Variants in TRIM5 observed in about 807,000 individuals in gnomAD.
TRIM5 encodes the protein tripartite motif-containing protein 5.
TRIM5 carries 31 observed loss-of-function variants against 35.6 expected under a neutral mutation model. The observed-to-expected ratio is 0.87, with a 90% CI of 0.65 to 1.18. The LOEUF is 1.18. Ranked by LOEUF, TRIM5 falls within the 50% of genes most tolerant of loss-of-function variation. TRIM5 has a pLI of 0.00. For synonymous variants in TRIM5, 243 were observed against 215.6 expected (o/e 1.13, Z -1.11); for missense variants, 609 against 591.6 (o/e 1.03, Z -0.31).
At chr11:5,639,537 G>A in the TRIM5 span, among the ~76,000 whole-genome samples, 10 of 151,820 alleles carry the variant, frequency 6.6e-5, no homozygotes, top group South Asian at 2.1e-4. Flanking sequence ...AAAATTAGCC[G>A]GGCATGGTGG....
chr11:5,664,652 G>A lies in TRIM5; in HGVS notation c.*157C>T, dbSNP rs574421830. ...AATATTGGGGACAATATGGCACAAG[G>A]CAATTATTACATTTTACTGATGAGT... On this transcript the variant is annotated 3_prime_UTR_variant, in exon 8 of 8. Transcript: ENST00000380034. The A allele has an allele frequency of 2.2e-6, 3 of 1,388,088 alleles. No homozygotes were observed. The East Asian group carries it at 7.7e-5, about 36-fold the overall frequency. 86.0% of individuals were successfully genotyped at this position (1,388,088 alleles called of 1,614,324 possible). A position where few individuals can be genotyped will look rare whatever the true frequency, so the allele number is the denominator to read the frequency against.
chr11:5,610,303 A>C, the TRIM5 span: 4 of 1,610,868 alleles, frequency 2.5e-6, no homozygotes, highest in Non-Finnish European at 8.5e-7. Flanking sequence ...GGAAGAAATA[A>C]ACGGGATAGA....
the TRIM5 span, among the ~76,000 whole-genome samples, chr11:5,631,614 G>C: frequency 1.3e-5 from 2 of 152,168 alleles, no homozygotes. Flanking sequence ...GATTTTGTGT[G>C]GGTAGATGTG....
At chr11:5,629,209 G>A in the TRIM5 span, among the ~76,000 whole-genome samples, 4 of 152,044 alleles carry the variant, frequency 2.6e-5, no homozygotes, top group South Asian at 2.1e-4. Flanking sequence ...CCTGGGAGGC[G>A]GGGGTTGCAG....
chr11:5,606,747 A>G, the TRIM5 span, among the ~76,000 whole-genome samples: 2 of 152,136 alleles, frequency 1.3e-5, no homozygotes, highest in African/African-American at 4.8e-5. Context: ...TGAATCGTCA[A>G]TTCATATTGC....
the TRIM5 span, among the ~76,000 whole-genome samples, chr11:5,607,153 G>A: frequency 6.6e-6 from 1 of 151,988 alleles, no homozygotes; most frequent in Non-Finnish European, 1.5e-5. Context: ...GCAGTGAGCC[G>A]AGATCGCACC....
intron 6 of TRIM5, 40 bp from the exon 7 acceptor site, chr11:5,665,722 G>A: frequency 6.8e-7 from 1 of 1,477,512 alleles, no homozygotes; most frequent in Non-Finnish European, 8.9e-7. Flanking sequence ...TACAAACAAA[G>A]GAGTCAGCAC....
intron 5 of TRIM5, chr11:5,666,325 C>A: frequency 5.6e-6 from 3 of 538,758 alleles, no homozygotes; most frequent in Non-Finnish European, 1.0e-5. Context: ...TTTCTTCCTT[C>A]TAAAATGAAA....
chr11:5,610,760 T>C, the TRIM5 span: 1 of 1,612,826 alleles, frequency 6.2e-7, no homozygotes, highest in Admixed American at 1.7e-5. Flanking sequence ...CTGCTGATGT[T>C]GTACCTTTTC....
chr11:5,659,415 G>C (rs183014717), downstream of TRIM5, among the ~76,000 whole-genome samples: 1 of 152,276 alleles, frequency 6.6e-6, no homozygotes, highest in Non-Finnish European at 1.5e-5. Context: ...TTCCCCATCA[G>C]ATTGCATTTC....
the TRIM5 span, among the ~76,000 whole-genome samples, chr11:5,617,151 A>G: frequency 2.1e-5 from 3 of 143,976 alleles, 1 homozygote; most frequent in African/African-American, 7.6e-5. Context: ...ACATACTAGT[A>G]TTTGAAGGGC....
intron 5 of TRIM5, 141 bp downstream of exon 5, chr11:5,667,548 G>A: frequency 1.1e-6 from 1 of 921,276 alleles, no homozygotes. Context: ...GCTGATTTAT[G>A]ACCAGAAATT....
At chr11:5,638,221 G>A in the TRIM5 span, among the ~76,000 whole-genome samples, 1 of 152,206 alleles carries the variant, frequency 6.6e-6, no homozygotes, top group Non-Finnish European at 1.5e-5. Flanking sequence ...TAATATCAGT[G>A]AAGATAATTC....
At chr11:5,646,606 C>T in the TRIM5 span, among the ~76,000 whole-genome samples, 1 of 152,068 alleles carries the variant, frequency 6.6e-6, no homozygotes, top group Admixed American at 6.5e-5. Flanking sequence ...CTTTGGGAAA[C>T]GTTTTTAGCT....
At chr11:5,595,920 A>T in the TRIM5 span, among the ~76,000 whole-genome samples, 1 of 151,968 alleles carries the variant, frequency 6.6e-6, no homozygotes, top group Admixed American at 6.6e-5. Context: ...TGACCTCGTT[A>T]TCCGCCCGCC....
chr11:5,674,048 C>T (rs1851759684), intron 4 of TRIM5, among the ~76,000 whole-genome samples: 1 of 151,612 alleles, frequency 6.6e-6, no homozygotes, highest in Non-Finnish European at 1.5e-5. Context: ...AGAAACGATA[C>T]AGAAAGGTTA....
the TRIM5 span, among the ~76,000 whole-genome samples, chr11:5,597,759 C>G: frequency 6.6e-6 from 1 of 152,242 alleles, no homozygotes; most frequent in African/African-American, 2.4e-5. Context: ...ATGCAAGCTT[C>G]CATTCTAAAA....
At chr11:5,651,493 C>CA in the TRIM5 span, among the ~76,000 whole-genome samples, 10 of 152,010 alleles carry the variant, frequency 6.6e-5, no homozygotes, top group Admixed American at 5.2e-4. Context: ...GTAAGAACAT[C>CA]TAGCATTCCA....
At chr11:5,642,653 T>G in the TRIM5 span, 1 of 1,377,770 alleles carries the variant, frequency 7.3e-7, no homozygotes, top group Non-Finnish European at 9.8e-7. Context: ...GAGGATGCAT[T>G]TATATGTAAG....
Sources: allele counts gnomAD v4.1 joint callset (sites outside exome capture counted in the v4.1 genomes callset), GRCh38; gene constraint gnomAD v4.1.1; transcripts MANE v1.5; gene names NCBI Gene and HGNC (gene_info 2026-07-23, HGNC 2026-07-21).